The following SEMA3E variants were observed in gnomAD, a reference collection of about 807,000 sequenced individuals.
SEMA3E encodes the protein semaphorin-3E.
Under a neutral mutation model 93.6 loss-of-function variants are expected in SEMA3E, and 49 were observed. The observed-to-expected ratio is 0.52, with a 90% confidence interval of 0.42 to 0.66. The LOEUF is 0.66. Among genes scored for constraint, SEMA3E ranks in the 30% least tolerant of loss-of-function variants. The pLI, the probability that SEMA3E is intolerant of heterozygous loss-of-function variation, is 0.00. For synonymous variants in SEMA3E, 363 were observed against 330.7 expected, an observed-to-expected ratio of 1.10 and a Z score of -1.06; for missense variants, 906 against 964.8, an observed-to-expected ratio of 0.94 and a Z score of 0.81.
At chr7:83,555,326 A>G (rs1791865090) in intron 1 of SEMA3E, among the ~76,000 whole-genome samples, 1 of 152,138 alleles carries the variant, frequency 6.6e-6, no homozygotes, top group Non-Finnish European at 1.5e-5. Flanking sequence ...CGCTAAATCT[A>G]TTTTTTAAAT....
chr7:83,593,879 T>C (rs1792812535), intron 1 of SEMA3E, among the ~76,000 whole-genome samples: 1 of 152,176 alleles, frequency 6.6e-6, no homozygotes, highest in African/African-American at 2.4e-5. Context: ...TAACATGTAC[T>C]GTGTAACTGG....
chr7:83,442,012 A>G (rs779867664), intron 4 of SEMA3E, among the ~76,000 whole-genome samples: 39 of 152,250 alleles, frequency 2.6e-4, no homozygotes, highest in Non-Finnish European at 1.3e-4. Context: ...TGAATGAAGC[A>G]ACATGATTAC....
intron 1 of SEMA3E, among the ~76,000 whole-genome samples, chr7:83,515,118 A>G (rs1241994816): frequency 2.6e-5 from 4 of 152,064 alleles, no homozygotes; most frequent in African/African-American, 9.7e-5. Context: ...TATTGGTTAG[A>G]GTGAGGAGAC....
At chr7:83,467,619 C>T (rs2723014) in intron 3 of SEMA3E, among the ~76,000 whole-genome samples, 66,930 of 152,010 alleles carry the variant, frequency 0.44, 16,191 homozygotes, top group East Asian at 0.66. Context: ...ACCTTTGCAG[C>T]TATAGCATGA....
intron 12 of SEMA3E, among the ~76,000 whole-genome samples, chr7:83,395,388 A>G (rs546498920): frequency 2.3e-4 from 35 of 152,290 alleles, no homozygotes; most frequent in African/African-American, 8.4e-4. Context: ...TCTACCCATC[A>G]TAAACATATA....
At chr7:83,375,639 G>A (rs746715522) in intron 16 of SEMA3E, among the ~76,000 whole-genome samples, 91 of 152,184 alleles carry the variant, frequency 6.0e-4, no homozygotes, top group Non-Finnish European at 9.7e-4. Context: ...TACTGTACAT[G>A]TGTGCATTGG....
chr7:83,511,849 C>T (rs1790829083), intron 1 of SEMA3E, among the ~76,000 whole-genome samples: 1 of 152,026 alleles, frequency 6.6e-6, no homozygotes, highest in Non-Finnish European at 1.5e-5. Context: ...TGAGCCGAGA[C>T]CGCGCCATTA....
At chr7:83,647,273 G>C (rs2115729145) in intron 1 of SEMA3E, among the ~76,000 whole-genome samples, 1 of 152,086 alleles carries the variant, frequency 6.6e-6, no homozygotes, top group African/African-American at 2.4e-5. Flanking sequence ...CCAATAAAAA[G>C]ACAAAAAGGC....
intron 1 of SEMA3E, among the ~76,000 whole-genome samples, chr7:83,591,073 C>A (rs1792746946): frequency 2.2e-5 from 3 of 134,104 alleles, no homozygotes; most frequent in Admixed American, 7.9e-5. Flanking sequence ...TAATGTTATC[C>A]ATACATTATA....
At chr7:83,426,395 A>G (rs1417626990) in intron 4 of SEMA3E, among the ~76,000 whole-genome samples, 1 of 1,648 alleles carries the variant, frequency 6.1e-4, no homozygotes. Context: ...CCACACAGTC[A>G]TAAAAATAAA....
intron 16 of SEMA3E, among the ~76,000 whole-genome samples, chr7:83,370,015 G>A (rs1794729845): frequency 6.6e-6 from 1 of 152,184 alleles, no homozygotes; most frequent in East Asian, 1.9e-4. Flanking sequence ...CCATTATACT[G>A]TCCTTATTTT....
At chr7:83,411,760 A>T (rs1348785252) in intron 5 of SEMA3E, among the ~76,000 whole-genome samples, 1 of 152,162 alleles carries the variant, frequency 6.6e-6, no homozygotes, top group South Asian at 2.1e-4. Context: ...ATGCAAAAAT[A>T]ACATCTAGAT....
At chr7:83,608,706 T>C (rs897956398) in intron 1 of SEMA3E, among the ~76,000 whole-genome samples, 3 of 152,128 alleles carry the variant, frequency 2.0e-5, no homozygotes, top group African/African-American at 7.2e-5. Context: ...TCATGGATTG[T>C]CTTTTGGGGA....
chr7:83,623,188 T>A (rs988475502), intron 1 of SEMA3E, among the ~76,000 whole-genome samples: 1 of 151,940 alleles, frequency 6.6e-6, no homozygotes, highest in African/African-American at 2.4e-5. Flanking sequence ...AACAAGTGCA[T>A]AAAGACATAT....
intron 16 of SEMA3E, chr7:83,372,623 T>A: frequency 1.1e-5 from 2 of 187,898 alleles, no homozygotes; most frequent in Non-Finnish European, 2.2e-5. Context: ...TTGGTCAAGA[T>A]ACAAGATACG....
intron 10 of SEMA3E, among the ~76,000 whole-genome samples, chr7:83,402,229 A>G (rs1199638444): frequency 6.6e-6 from 1 of 152,020 alleles, no homozygotes; most frequent in Non-Finnish European, 1.5e-5. Context: ...ATGTTAGAAC[A>G]TAAAAATTTG....
chr7:83,396,393 T>A (rs984267396), intron 12 of SEMA3E, among the ~76,000 whole-genome samples: 1 of 152,166 alleles, frequency 6.6e-6, no homozygotes, highest in Non-Finnish European at 1.5e-5. Flanking sequence ...TAAATGTTAT[T>A]TCTTTATAGT....
At chr7:83,621,189 T>G (rs1793549815) in intron 1 of SEMA3E, among the ~76,000 whole-genome samples, 1 of 152,136 alleles carries the variant, frequency 6.6e-6, no homozygotes, top group African/African-American at 2.4e-5. Flanking sequence ...CTAGCATTCC[T>G]GCACACAAAC....
chr7:83,463,179 C>T (rs1161661870), intron 4 of SEMA3E, among the ~76,000 whole-genome samples: 1 of 151,004 alleles, frequency 6.6e-6, no homozygotes, highest in African/African-American at 2.4e-5. Flanking sequence ...TACAAAACAA[C>T]AACTCCTTTC....
Sources: allele counts gnomAD v4.1 joint callset (sites outside exome capture counted in the v4.1 genomes callset), GRCh38; gene constraint gnomAD v4.1.1; transcripts MANE v1.5; gene names NCBI Gene and HGNC (gene_info 2026-07-23, HGNC 2026-07-21).